MACROD2: variants seen among roughly 807,000 people sequenced by gnomAD.
MACROD2 encodes mono-ADP ribosylhydrolase 2.
MACROD2 carries 36 observed loss-of-function variants against 70.4 expected under a neutral mutation model. The ratio of observed to expected loss-of-function variants is 0.51; its 90% CI spans 0.39 to 0.68. The LOEUF is 0.68. Ranked by LOEUF, MACROD2 falls within the 30% of genes least tolerant of loss-of-function variation. The pLI is 0.00. For synonymous variants in MACROD2, 172 were observed against 178.8 expected, an observed-to-expected ratio of 0.96 and a Z score of 0.30; for missense variants, 496 against 538.4, an observed-to-expected ratio of 0.92 and a Z score of 0.78.
At position 15,249,547 on chromosome 20, in the gene MACROD2, C is replaced by A. The variant is rs187143719; in HGVS notation, c.540+19486C>A. On this transcript the variant is annotated intron_variant, in intron 6 of 17. Transcript: ENST00000684519. The stretch of plus-strand genomic sequence containing the variant: ...TTACCTTAGCATGTGCTTCCCAATA[C>A]TCCAAGGCACCCAAGGCTCCATAGC... 3.8e-3 allele frequency among the ~76,000 whole-genome samples: 582 copies of A among 152,272 alleles called. 3 individuals are homozygous for A. The highest frequency in any genetic ancestry group is 0.028 in the South Asian group (136 of 4,824).
At chr20:16,027,431 A>G (rs962178376) in intron 15 of MACROD2, among the ~76,000 whole-genome samples, 6 of 152,376 alleles carry the variant, frequency 3.9e-5, no homozygotes, top group Admixed American at 1.3e-4. Context: ...AAAGACATCT[A>G]TAATTAAGAA....
At chr20:15,480,251 A>AC (rs576695494) in intron 7 of MACROD2, among the ~76,000 whole-genome samples, 244 of 150,988 alleles carry the variant, frequency 1.6e-3, no homozygotes, top group African/African-American at 5.6e-3. Flanking sequence ...GACTCTAAAC[A>AC]CCCCCCCTTA....
At chr20:14,710,306 C>T (rs1039497932) in intron 5 of MACROD2, among the ~76,000 whole-genome samples, 1 of 152,108 alleles carries the variant, frequency 6.6e-6, no homozygotes, top group African/African-American at 2.4e-5. Context: ...AGGCATACTC[C>T]CATTTATTTG....
At chr20:15,400,934 T>G (rs1449401080) in intron 6 of MACROD2, among the ~76,000 whole-genome samples, 2 of 152,086 alleles carry the variant, frequency 1.3e-5, no homozygotes, top group African/African-American at 4.8e-5. Context: ...GTCTCACAGC[T>G]AGAGATCTCA....
intron 8 of MACROD2, among the ~76,000 whole-genome samples, chr20:15,531,016 A>G (rs1047580378): frequency 1.2e-4 from 12 of 101,820 alleles, no homozygotes; most frequent in Admixed American, 4.7e-4. Context: ...TTTTTTTTTT[A>G]CAAATTGCTG....
chr20:15,782,472 A>G (rs1568558385), intron 8 of MACROD2, among the ~76,000 whole-genome samples: 1 of 152,036 alleles, frequency 6.6e-6, no homozygotes, highest in Non-Finnish European at 1.5e-5. Context: ...CTGGAGCTGC[A>G]AGAATGGCCT....
At chr20:14,933,070 C>T (rs763392003) in intron 5 of MACROD2, among the ~76,000 whole-genome samples, 26 of 151,852 alleles carry the variant, frequency 1.7e-4, no homozygotes, top group South Asian at 4.2e-4. Flanking sequence ...ACTCTTTTAA[C>T]GTAACCTTTT....
intron 7 of MACROD2, among the ~76,000 whole-genome samples, chr20:15,457,421 T>G (rs924640511): frequency 1.3e-5 from 2 of 152,160 alleles, no homozygotes; most frequent in Non-Finnish European, 2.9e-5. Context: ...TCTCATAATG[T>G]TACCAATTTA....
At position 14,676,950 on chromosome 20, in the gene MACROD2, C is replaced by G. The variant is rs1385728303; in HGVS notation, c.302-7893C>G. Among the ~76,000 whole-genome samples the G allele has an allele frequency of 2.6e-5, 4 of 152,176 alleles. No individual in the cohort carries two copies. In the East Asian group the frequency reaches 7.7e-4, roughly 29 times the overall value. ...CAATTTCTAAAATAACTGGATTTCA[C>G]TAAATGGTGCATTTAGTGTTTTTCA... is the stretch of plus-strand genomic sequence containing the variant. On this transcript the variant is annotated intron_variant, in intron 4 of 17. Coordinates refer to ENST00000684519, the MANE Select transcript of MACROD2 (RefSeq NM_001351661.2).
intron 8 of MACROD2, among the ~76,000 whole-genome samples, chr20:15,723,519 A>G (rs532922021): frequency 9.2e-5 from 14 of 152,318 alleles, no homozygotes; most frequent in African/African-American, 2.9e-4. Flanking sequence ...TAAGAATGTC[A>G]TATAGTTGGA....
At chr20:15,351,275 G>A (rs745379668) in intron 6 of MACROD2, among the ~76,000 whole-genome samples, 1 of 152,114 alleles carries the variant, frequency 6.6e-6, no homozygotes, top group Non-Finnish European at 1.5e-5. Flanking sequence ...AAAATAACTA[G>A]TTTTAGAGAC....
intron 15 of MACROD2, among the ~76,000 whole-genome samples, chr20:16,019,733 T>C (rs1248107156): frequency 6.6e-6 from 1 of 152,212 alleles, no homozygotes; most frequent in Non-Finnish European, 1.5e-5. Context: ...ACTGGCTGAA[T>C]GACAGGCTGT....
intron 5 of MACROD2, among the ~76,000 whole-genome samples, chr20:15,177,027 G>T (rs528208665): frequency 1.9e-4 from 29 of 152,306 alleles, no homozygotes; most frequent in African/African-American, 6.7e-4. Flanking sequence ...GTCTGGAGCT[G>T]CCCACCCTAC....
chr20:14,566,869 A>G (rs371742594), intron 4 of MACROD2: 4 of 151,896 alleles, frequency 2.6e-5, no homozygotes, highest in East Asian at 1.9e-4. Context: ...TTCTAATAGT[A>G]TAAATTGTTG....
chr20:15,598,408 T>C (rs990261993), intron 8 of MACROD2, among the ~76,000 whole-genome samples: 1 of 152,172 alleles, frequency 6.6e-6, no homozygotes, highest in Non-Finnish European at 1.5e-5. Context: ...ATTAAGTTGC[T>C]TTGTTCCATC....
chr20:15,510,019 A>C (rs551110373), intron 8 of MACROD2, among the ~76,000 whole-genome samples: 1 of 152,038 alleles, frequency 6.6e-6, no homozygotes, highest in Non-Finnish European at 1.5e-5. Context: ...ATGATTACCA[A>C]CCCCCATATG....
At chr20:14,266,621 C>A (rs1016585704) in intron 3 of MACROD2, among the ~76,000 whole-genome samples, 1 of 151,878 alleles carries the variant, frequency 6.6e-6, no homozygotes, top group Admixed American at 6.6e-5. Context: ...TAAAAAGAGT[C>A]AATATTTTTT....
chr20:15,319,233 A>G (rs960197501), intron 6 of MACROD2, among the ~76,000 whole-genome samples: 3 of 152,184 alleles, frequency 2.0e-5, no homozygotes, highest in African/African-American at 7.2e-5. Context: ...GGAATAATAT[A>G]TGCAGGAATA....
At chr20:15,416,223 C>T (rs2046146295) in intron 6 of MACROD2, among the ~76,000 whole-genome samples, 1 of 152,196 alleles carries the variant, frequency 6.6e-6, no homozygotes, top group African/African-American at 2.4e-5. Flanking sequence ...CATTTTCAGG[C>T]CACGAGTAGC....
Sources: allele counts gnomAD v4.1 joint callset (sites outside exome capture counted in the v4.1 genomes callset), GRCh38; gene constraint gnomAD v4.1.1; transcripts MANE v1.5; gene names NCBI Gene and HGNC (gene_info 2026-07-23, HGNC 2026-07-21).